Variants in WDPCP observed in about 807,000 individuals in gnomAD.
WDPCP encodes WD repeat containing planar cell polarity effector, also known as WD repeat-containing and planar cell polarity effector protein fritz homolog.
In WDPCP, 71 loss-of-function variants were observed where a neutral mutation model predicts 93.1. That is an observed-to-expected ratio of 0.76 (90% CI 0.63 to 0.93). WDPCP has a LOEUF of 0.93. Ranked by LOEUF, WDPCP falls within the 40% of genes least tolerant of loss-of-function variation. The pLI, the probability that WDPCP is intolerant of heterozygous loss-of-function variation, is 0.00. For missense variants in WDPCP, 844 were observed against 887.4 expected (o/e 0.95, Z 0.62); for synonymous variants, 315 against 315.0 (o/e 1.00, Z 0.00).
chr2:63,580,916 G>GA (rs765541760), intron 1 of WDPCP, among the ~76,000 whole-genome samples: 9 of 152,250 alleles, frequency 5.9e-5, no homozygotes, highest in Middle Eastern at 3.4e-3. Flanking sequence ...GAATGATTCA[G>GA]AAAAAATCAA....
chr2:63,122,118 G>T (rs1669583038), intron 17 of WDPCP, 62 bp from the exon 18 acceptor site: 2 of 1,323,734 alleles, frequency 1.5e-6, no homozygotes, highest in Non-Finnish European at 1.1e-6. Flanking sequence ...CTTAACATTT[G>T]TATCTTTATT....
chr2:63,760,106 C>A (rs536112983), intron 2 of WDPCP, among the ~76,000 whole-genome samples: 1 of 152,170 alleles, frequency 6.6e-6, no homozygotes, highest in African/African-American at 2.4e-5. Context: ...CTCCAAGCCC[C>A]AAGTACGTGC....
At chr2:63,122,114 A>G (rs930745604) in intron 17 of WDPCP, 58 bp from the exon 18 acceptor site, 3 of 1,347,216 alleles carry the variant, frequency 2.2e-6, no homozygotes, top group Admixed American at 1.8e-5. Flanking sequence ...TTGACTTAAC[A>G]TTTGTATCTT....
intron 3 of WDPCP, among the ~76,000 whole-genome samples, chr2:63,610,219 T>A (rs1402227653): frequency 2.0e-5 from 3 of 152,158 alleles, no homozygotes; most frequent in Non-Finnish European, 4.4e-5. Flanking sequence ...CATGGATGCA[T>A]TACAGGGCAA....
chr2:63,337,625 G>C (rs781541119), intron 12 of WDPCP, among the ~76,000 whole-genome samples: 1 of 152,068 alleles, frequency 6.6e-6, no homozygotes, highest in Non-Finnish European at 1.5e-5. Context: ...TCTCACCAAC[G>C]GTGTATAAGA....
At chr2:63,176,321 C>G (rs1673799757) in intron 14 of WDPCP, among the ~76,000 whole-genome samples, 1 of 152,130 alleles carries the variant, frequency 6.6e-6, no homozygotes, top group South Asian at 2.1e-4. Flanking sequence ...TCATGGCTCA[C>G]TAAAGTCTTG....
intron 1 of WDPCP, among the ~76,000 whole-genome samples, chr2:63,583,536 C>G (rs528071916): frequency 6.6e-6 from 1 of 152,006 alleles, no homozygotes. Flanking sequence ...CAAAAATTAG[C>G]TGGGTGTGGT....
At chr2:63,308,491 C>T (rs1046835686) in intron 13 of WDPCP, among the ~76,000 whole-genome samples, 2 of 152,200 alleles carry the variant, frequency 1.3e-5, no homozygotes, top group Non-Finnish European at 2.9e-5. Context: ...TTGGAACCAA[C>T]CCAAATGCCT....
In WDPCP at chr2:63,259,301, T is replaced by G. The variant is rs1435735142; in HGVS notation, c.1915+6A>C. The G allele has an allele frequency of 6.2e-7, 1 of 1,611,338 alleles. No individual in the cohort carries two copies. Among genetic ancestry groups the G allele is most frequent in the African/African-American group, 1.3e-5 (1 of 74,870 alleles). On this transcript the variant is annotated splice_donor_region_variant and intron_variant, in intron 14 of 17. Coordinates refer to ENST00000272321, the MANE Select transcript of WDPCP (RefSeq NM_015910.7). ...AAAAGCACTTAAAAATAGCGTTAAT[T>G]CTTACCAACCCCAGAGGTTATTGAT...
chr2:63,299,610 G>A lies in WDPCP; in HGVS notation c.1812+13638C>T, dbSNP rs1685172879. Among the ~76,000 whole-genome samples the A allele has an allele frequency of 2.0e-5, 3 of 152,122 alleles. No individual in the cohort carries two copies. The South Asian group carries it at 6.2e-4, about 32-fold the overall frequency. ...ATTCATAGACTTTGGTTTCTGGAAG[G>A]TACCCTTCAGCCAACCTGCTGTGAG... On this transcript the variant is annotated intron_variant, in intron 13 of 17. Transcript: ENST00000272321.
At chr2:63,579,637 A>C (rs1250298055) in intron 1 of WDPCP, among the ~76,000 whole-genome samples, 1 of 152,100 alleles carries the variant, frequency 6.6e-6, no homozygotes. Flanking sequence ...AAAAGAAAAA[A>C]TCATCAACAA....
At chr2:63,271,466 A>G (rs1682637818) in intron 13 of WDPCP, among the ~76,000 whole-genome samples, 1 of 152,160 alleles carries the variant, frequency 6.6e-6, no homozygotes, top group African/African-American at 2.4e-5. Flanking sequence ...GCTGGTGCCC[A>G]CATGTACCAC....
At chr2:63,550,762 C>T (rs917739980) in intron 1 of WDPCP, among the ~76,000 whole-genome samples, 4 of 138,304 alleles carry the variant, frequency 2.9e-5, no homozygotes, top group Admixed American at 7.7e-5. Flanking sequence ...TATATATACA[C>T]ATATATATGT....
chr2:63,408,429 G>A (rs995985844), intron 9 of WDPCP, among the ~76,000 whole-genome samples: 1 of 152,056 alleles, frequency 6.6e-6, no homozygotes, highest in Non-Finnish European at 1.5e-5. Flanking sequence ...AAAGGCCCTG[G>A]GAGCTCACTA....
chr2:63,372,914 G>A (rs1270894987), intron 12 of WDPCP, among the ~76,000 whole-genome samples: 1 of 151,970 alleles, frequency 6.6e-6, no homozygotes, highest in African/African-American at 2.4e-5. Context: ...ACCTGAGGTT[G>A]GGAGTTTGAG....
At chr2:63,713,719 A>G (rs1269077265) in intron 2 of WDPCP, among the ~76,000 whole-genome samples, 1 of 152,250 alleles carries the variant, frequency 6.6e-6, no homozygotes, top group Non-Finnish European at 1.5e-5. Context: ...GACTTCTGCC[A>G]ACTAGAATGT....
chr2:63,175,349 T>C (rs1673726761), intron 14 of WDPCP, among the ~76,000 whole-genome samples: 1 of 152,110 alleles, frequency 6.6e-6, no homozygotes, highest in African/African-American at 2.4e-5. Flanking sequence ...TGTTTAAAAA[T>C]GTTGTTTGAA....
chr2:63,413,181 C>G (rs1695148883), intron 9 of WDPCP, among the ~76,000 whole-genome samples: 1 of 152,098 alleles, frequency 6.6e-6, no homozygotes, highest in South Asian at 2.1e-4. Flanking sequence ...TGCACACAGG[C>G]CAATGGAACA....
At chr2:63,292,780 T>C (rs1418642106) in intron 13 of WDPCP, among the ~76,000 whole-genome samples, 1 of 152,212 alleles carries the variant, frequency 6.6e-6, no homozygotes, top group Non-Finnish European at 1.5e-5. Flanking sequence ...TAAATAATAA[T>C]TGCATTGGCA....
Sources: gnomAD v4.1 joint callset for allele counts (sites outside exome capture counted in the v4.1 genomes callset) on GRCh38, gnomAD v4.1.1 for gene constraint, MANE v1.5 for transcripts, NCBI Gene and HGNC (gene_info 2026-07-23, HGNC 2026-07-21) for gene names.